The following ROR1 variants were observed in gnomAD, a reference collection of about 807,000 sequenced individuals.
ROR1 encodes inactive tyrosine-protein kinase transmembrane receptor ROR1.
Under a neutral mutation model 78.8 loss-of-function variants are expected in ROR1, and 19 were observed. The ratio of observed to expected loss-of-function variants is 0.24; its 90% CI spans 0.17 to 0.35. The LOEUF is 0.35. ROR1 is among the 10% of genes least tolerant of loss of function. The pLI is 1.00. For synonymous variants in ROR1, 386 were observed against 433.6 expected (o/e 0.89, Z 1.36); for missense variants, 917 against 1,177.8 (o/e 0.78, Z 3.24).
intron 4 of ROR1, among the ~76,000 whole-genome samples, chr1:64,135,885 T>A (rs538564530): frequency 6.6e-6 from 1 of 152,190 alleles, no homozygotes; most frequent in African/African-American, 2.4e-5. Context: ...ATGATTCTTT[T>A]AATGAATGGG....
chr1:63,855,624 A>T (rs1462105171), intron 1 of ROR1, among the ~76,000 whole-genome samples: 2 of 151,396 alleles, frequency 1.3e-5, no homozygotes, highest in Non-Finnish European at 2.9e-5. Context: ...CATACATTGT[A>T]GATTTCACCT....
At chr1:64,073,606 A>G (rs1647024794) in intron 4 of ROR1, among the ~76,000 whole-genome samples, 1 of 152,178 alleles carries the variant, frequency 6.6e-6, no homozygotes, top group African/African-American at 2.4e-5. Flanking sequence ...GACACTCTGC[A>G]TACACCCCAC....
chr1:64,044,703 G>T (rs886807877), intron 2 of ROR1, among the ~76,000 whole-genome samples: 4 of 152,128 alleles, frequency 2.6e-5, no homozygotes, highest in African/African-American at 9.7e-5. Flanking sequence ...ATGACCGACA[G>T]AAAAATTATG....
At chr1:64,172,471 T>C (rs6686407) in intron 8 of ROR1, among the ~76,000 whole-genome samples, 2,637 of 152,296 alleles carry the variant, frequency 0.017, 83 homozygotes, top group African/African-American at 0.061. Context: ...ATGTTAACAT[T>C]GAAACTGAAA....
At chr1:63,999,317 C>G (rs994789846) in intron 1 of ROR1, among the ~76,000 whole-genome samples, 1 of 152,148 alleles carries the variant, frequency 6.6e-6, no homozygotes, top group Non-Finnish European at 1.5e-5. Context: ...GAGGTGCTAT[C>G]CTCACCAGGT....
chr1:63,940,454 T>C (rs760494817), intron 1 of ROR1, among the ~76,000 whole-genome samples: 3 of 151,692 alleles, frequency 2.0e-5, no homozygotes, highest in Non-Finnish European at 4.4e-5. Flanking sequence ...CGGTGACAGG[T>C]AGGTAAGTAC....
intron 2 of ROR1, among the ~76,000 whole-genome samples, chr1:64,026,568 G>A (rs745746452): frequency 6.6e-6 from 1 of 152,020 alleles, no homozygotes; most frequent in African/African-American, 2.4e-5. Context: ...CCATTTTCAC[G>A]CTGCTATAAA....
At position 64,049,757 on chromosome 1, in the gene ROR1, T is replaced by C; in HGVS notation, c.230T>C (p.Leu77Pro). The C allele has an allele frequency of 6.2e-7, 1 of 1,614,166 alleles. No homozygotes were observed. The highest frequency in any genetic ancestry group is 8.5e-7 in the Non-Finnish European group (1 of 1,180,016). ...ITTSLGQTAE[L>P]HCKVSGNPPP... ...ACGTCTCTGGGCCAGACAGCAGAAC[T>C]GCACTGCAAAGTCTCTGGGAATCCA... is the stretch of plus-strand genomic sequence containing the variant. The change falls in exon 3 of 9, where the codon CTG (leucine) becomes CCG (proline). Residue 77 changes from leucine (L) to proline (P), a missense_variant. Physicochemically the swap from Leu to Pro is moderately conservative, Grantham distance 98. Coordinates refer to ENST00000371079, the MANE Select transcript of ROR1 (RefSeq NM_005012.4).
rs568338013 is a variant in ROR1, at chr1:64,103,610, T to C, written c.483-33759T>C. Among the ~76,000 whole-genome samples, 4 of 152,290 alleles carry C rather than the reference T, an allele frequency of 2.6e-5. No individual in the cohort carries two copies. The South Asian group carries it at 8.3e-4, about 32-fold the overall frequency. On this transcript the variant is annotated intron_variant, in intron 4 of 8. Transcript: ENST00000371079. ...CTGAGGCTTTGAGAACTTAGTATAT[T>C]AACTGAATGTGAATGACTTTCAAAT...
intron 1 of ROR1, among the ~76,000 whole-genome samples, chr1:64,000,205 A>C (rs1646371449): frequency 6.6e-6 from 1 of 152,132 alleles, no homozygotes; most frequent in Non-Finnish European, 1.5e-5. Flanking sequence ...GTCAAGTGGA[A>C]ATAGGAAAAA....
At chr1:63,881,269 G>T (rs1645321274) in intron 1 of ROR1, among the ~76,000 whole-genome samples, 1 of 152,068 alleles carries the variant, frequency 6.6e-6, no homozygotes, top group African/African-American at 2.4e-5. Context: ...AGTGTTCCAT[G>T]GGAAAACAAT....
At chr1:64,159,261 C>G in intron 8 of ROR1, 69 bp downstream of exon 8, 2 of 1,206,632 alleles carry the variant, frequency 1.7e-6, no homozygotes, top group South Asian at 1.2e-5. Flanking sequence ...TTATAACCCT[C>G]CCAAGCTTGG....
intron 1 of ROR1, among the ~76,000 whole-genome samples, chr1:63,949,789 CAGT>C (rs1645919871): frequency 6.6e-6 from 1 of 152,108 alleles, no homozygotes; most frequent in African/African-American, 2.4e-5. Context: ...CTTGAGACTT[CAGT>C]AGTTTTTCCT....
intron 1 of ROR1, among the ~76,000 whole-genome samples, chr1:63,878,888 A>T (rs114718713): frequency 0.018 from 2,705 of 152,166 alleles, 78 homozygotes; most frequent in African/African-American, 0.062. Context: ...TTCAGTCCTC[A>T]TGGTATATGA....
intron 6 of ROR1, 129 bp downstream of exon 6, chr1:64,140,555 C>A: frequency 1.3e-6 from 1 of 799,310 alleles, no homozygotes; most frequent in Non-Finnish European, 2.0e-6. Flanking sequence ...GGGCTGAGTA[C>A]TGTGCCTGAG....
intron 1 of ROR1, among the ~76,000 whole-genome samples, chr1:63,928,157 A>G (rs1645721249): frequency 6.6e-6 from 1 of 152,230 alleles, no homozygotes; most frequent in Admixed American, 6.5e-5. Context: ...GCACTTGGCA[A>G]TCGCAAGCTC....
intron 4 of ROR1, among the ~76,000 whole-genome samples, chr1:64,063,028 C>T (rs1215081350): frequency 6.6e-6 from 1 of 152,098 alleles, no homozygotes; most frequent in Non-Finnish European, 1.5e-5. Context: ...TTACATGACA[C>T]AGGGGGTTTC....
intron 1 of ROR1, among the ~76,000 whole-genome samples, chr1:63,782,824 G>A (rs966597801): frequency 6.6e-6 from 1 of 152,102 alleles, no homozygotes; most frequent in African/African-American, 2.4e-5. Flanking sequence ...CCCTTGGGGA[G>A]TTTACCTTTT....
intron 1 of ROR1, among the ~76,000 whole-genome samples, chr1:63,819,530 A>T (rs1041744576): frequency 1.3e-5 from 2 of 152,318 alleles, no homozygotes; most frequent in Admixed American, 6.5e-5. Flanking sequence ...AAAGGTATGG[A>T]TAGAGTTCTT....
Sources: allele counts gnomAD v4.1 joint callset (sites outside exome capture counted in the v4.1 genomes callset), GRCh38; gene constraint gnomAD v4.1.1; transcripts MANE v1.5; gene names NCBI Gene and HGNC (gene_info 2026-07-23, HGNC 2026-07-21).